COL5A2: variants seen among roughly 807,000 people sequenced by gnomAD.
COL5A2 encodes collagen alpha-2(V) chain.
Under a neutral mutation model 208.2 loss-of-function variants are expected in COL5A2, and 23 were observed. The observed-to-expected ratio is 0.11, with a 90% CI of 0.08 to 0.16. The LOEUF is 0.16. Ranked by LOEUF, COL5A2 falls within the 10% of genes least tolerant of loss-of-function variation. The probability of loss-of-function intolerance (pLI) is 1.00; values close to 1 mark genes in which losing one functional copy is unlikely to be tolerated. For missense variants in COL5A2, 1,590 were observed against 1,956.4 expected (o/e 0.81, Z 3.53); for synonymous variants, 625 against 628.5 (o/e 0.99, Z 0.08).
chr2:189,055,870 G>A (rs528601807), intron 35 of COL5A2, among the ~76,000 whole-genome samples: 6 of 152,190 alleles, frequency 3.9e-5, no homozygotes, highest in East Asian at 3.9e-4. Flanking sequence ...CCAATGCATC[G>A]TTCCTATAAA....
chr2:189,041,807 CATTTTCTTACTGAT>C, intron 49 of COL5A2, 114 bp from the exon 50 acceptor site: 1 of 674,668 alleles, frequency 1.5e-6, no homozygotes, highest in Non-Finnish European at 2.6e-6. Flanking sequence ...TTCTAAGATT[CATTTTCTTACTGAT>C]TAATAAATGA....
chr2:189,105,560 T>C (rs1444728182), intron 2 of COL5A2, among the ~76,000 whole-genome samples: 1 of 151,530 alleles, frequency 6.6e-6, no homozygotes, highest in African/African-American at 2.4e-5. Flanking sequence ...TATTGATATT[T>C]TAATTATTTA....
the COL5A2 span, among the ~76,000 whole-genome samples, chr2:189,294,522 A>G: frequency 6.6e-6 from 1 of 152,202 alleles, no homozygotes; most frequent in Admixed American, 6.5e-5. Context: ...CTTGGAATTT[A>G]TCACATTTGT....
Position 189,085,187 on chromosome 2 carries a change from C to T in COL5A2, c.771G>A (p.Glu257=). Residue 257 remains glutamate, a synonymous_variant, in exon 11 of 54, where the codon GAG becomes GAA. Coordinates refer to ENST00000374866, the MANE Select transcript of COL5A2 (RefSeq NM_000393.5). ...PMGPIGSRGP[E]GPPGKPGEDG... ...CTTCCCCAGGTTTACCAGGAGGGCC[C>T]TCTGGTCCACGTGAACCAATCGGAC... 1.2e-6 allele frequency: 2 copies of T among 1,611,828 alleles called. No individual in the cohort carries two copies. Among genetic ancestry groups the T allele is most frequent in the Non-Finnish European group, 8.5e-7 (1 of 1,178,808 alleles).
intron 1 of COL5A2, among the ~76,000 whole-genome samples, chr2:189,186,894 C>CT (rs1178210315): frequency 5.9e-5 from 9 of 152,034 alleles, no homozygotes; most frequent in Admixed American, 5.2e-4. Flanking sequence ...AAGATATTTC[C>CT]TTTTTTGTAT....
the COL5A2 span, among the ~76,000 whole-genome samples, chr2:189,366,574 T>A: frequency 6.6e-6 from 1 of 152,206 alleles, no homozygotes; most frequent in Non-Finnish European, 1.5e-5. Context: ...TACCATCACA[T>A]TCCTCAAGCA....
chr2:189,332,527 T>C, the COL5A2 span, among the ~76,000 whole-genome samples: 1 of 152,320 alleles, frequency 6.6e-6, no homozygotes, highest in South Asian at 2.1e-4. Flanking sequence ...GGAGCAGGTC[T>C]TTCTCATGCT....
chr2:189,382,573 A>T, the COL5A2 span, among the ~76,000 whole-genome samples: 75 of 152,124 alleles, frequency 4.9e-4, no homozygotes, highest in Non-Finnish European at 9.3e-4. Context: ...GTTCTTGTAT[A>T]ATTATCTTCT....
chr2:189,353,526 C>G, the COL5A2 span, among the ~76,000 whole-genome samples: 1 of 152,050 alleles, frequency 6.6e-6, no homozygotes, highest in Admixed American at 6.6e-5. Flanking sequence ...AGTTGGATTC[C>G]TAGGTATTTT....
chr2:189,304,391 C>T, the COL5A2 span, among the ~76,000 whole-genome samples: 1 of 152,030 alleles, frequency 6.6e-6, no homozygotes, highest in Admixed American at 6.5e-5. Context: ...AAAGAAATAC[C>T]TGAGTCCAGA....
At chr2:189,285,357 C>G in the COL5A2 span, among the ~76,000 whole-genome samples, 1 of 152,054 alleles carries the variant, frequency 6.6e-6, no homozygotes, top group Non-Finnish European at 1.5e-5. Flanking sequence ...AATACCTAAA[C>G]ATTGCTCCTA....
At chr2:189,102,625 GA>G (rs1166176010) in intron 3 of COL5A2, among the ~76,000 whole-genome samples, 1 of 151,974 alleles carries the variant, frequency 6.6e-6, no homozygotes, top group Non-Finnish European at 1.5e-5. Flanking sequence ...ATACCATGTG[GA>G]CATGCTTTGT....
chr2:189,154,635 T>C (rs180682198), intron 1 of COL5A2, among the ~76,000 whole-genome samples: 257 of 152,294 alleles, frequency 1.7e-3, no homozygotes, highest in African/African-American at 5.8e-3. Context: ...TGAACCATAA[T>C]TTTTATTTAT....
chr2:189,180,004 T>C (rs1247436248), upstream of COL5A2: 8 of 411,276 alleles, frequency 1.9e-5, no homozygotes, highest in Non-Finnish European at 3.4e-5. Context: ...TCTTTTCTTT[T>C]ATTTTTTAAG....
chr2:189,118,153 AAT>A (rs1687432202), intron 1 of COL5A2, among the ~76,000 whole-genome samples: 4 of 152,020 alleles, frequency 2.6e-5, no homozygotes, highest in Admixed American at 2.0e-4. Context: ...TGCTTATTTA[AAT>A]GTGGGCCAAA....
At position 189,194,124 on chromosome 2, in the gene COL5A2, C is replaced by T. The variant is rs149615843; in HGVS notation, c.-42+31024G>A. The stretch of plus-strand genomic sequence containing the variant: ...AACGGTAAATGCCAATAGATATAAT[C>T]CACCACAAAAAGTTATTTGGGGTCC... On this transcript the variant is annotated intron_variant, in intron 1 of 10. Transcript: ENST00000649966. Among the ~76,000 whole-genome samples, 610 of 152,120 alleles carry T rather than the reference C, an allele frequency of 4.0e-3. 6 individuals carry two copies. The highest frequency in any genetic ancestry group is 0.014 in the African/African-American group (577 of 41,482).
the COL5A2 span, among the ~76,000 whole-genome samples, chr2:189,393,388 G>A: frequency 3.3e-5 from 5 of 152,062 alleles, no homozygotes; most frequent in African/African-American, 1.2e-4. Context: ...TATGCAAATA[G>A]CTTTTACACA....
chr2:189,384,513 T>C, the COL5A2 span, among the ~76,000 whole-genome samples: 1 of 152,166 alleles, frequency 6.6e-6, no homozygotes. Flanking sequence ...TTAGTGATGA[T>C]GAGCACTTTT....
upstream of COL5A2, among the ~76,000 whole-genome samples, chr2:189,184,833 C>A (rs1016679082): frequency 1.3e-5 from 2 of 151,984 alleles, no homozygotes; most frequent in African/African-American, 4.8e-5. Context: ...TCTTTCTGTA[C>A]CATAGACAGA....
Sources: allele counts gnomAD v4.1 joint callset (sites outside exome capture counted in the v4.1 genomes callset), GRCh38; gene constraint gnomAD v4.1.1; transcripts MANE v1.5; gene names NCBI Gene and HGNC (gene_info 2026-07-23, HGNC 2026-07-21).